ITGAV: variants seen among roughly 807,000 people sequenced by gnomAD.
ITGAV encodes integrin subunit alpha V, also known as integrin alpha-V.
ITGAV carries 76 observed loss-of-function variants against 143.8 expected under a neutral mutation model. The ratio of observed to expected loss-of-function variants is 0.53; its 90% CI spans 0.44 to 0.64. ITGAV has a LOEUF of 0.64. ITGAV is among the 30% of genes least tolerant of loss of function. The pLI, the probability that ITGAV is intolerant of heterozygous loss-of-function variation, is 0.00. For synonymous variants in ITGAV, 453 were observed against 446.7 expected, an observed-to-expected ratio of 1.01 and a Z score of -0.18; for missense variants, 1,193 against 1,274.7, an observed-to-expected ratio of 0.94 and a Z score of 0.98.
At chr2:186,611,042 T>A (rs1687201530) in intron 2 of ITGAV, among the ~76,000 whole-genome samples, 2 of 152,114 alleles carry the variant, frequency 1.3e-5, no homozygotes, top group South Asian at 4.1e-4. Context: ...TGAGAAACTG[T>A]TTCCTTTCCA....
chr2:186,656,323 G>A lies in ITGAV; in HGVS notation c.1641G>A (p.Arg547=). ...GACGAGCACTGTTTCTCTACAGCAG[G>A]TCCCCAAGTCACTCCAAGAACATGA... The part of the protein sequence containing the change: ...AIRRALFLYS[R]SPSHSKNMTI... Residue 547 remains arginine, a synonymous_variant, in exon 17 of 30, where the codon AGG becomes AGA. Coordinates refer to ENST00000261023, the MANE Select transcript of ITGAV (RefSeq NM_002210.5). The A allele has an allele frequency of 1.3e-6, 2 of 1,581,822 alleles. No individual in the cohort carries two copies. The highest frequency in any genetic ancestry group is 1.9e-5 in the Admixed American group (1 of 53,214).
Position 186,626,694 on chromosome 2 carries a change from A to G in ITGAV, c.523+1107A>G, listed in dbSNP as rs3754585. On this transcript the variant is annotated intron_variant, in intron 4 of 29. Coordinates refer to ENST00000261023, the MANE Select transcript of ITGAV (RefSeq NM_002210.5). The stretch of plus-strand genomic sequence containing the variant: ...GCCCAACACTTTGATCCTACCTGTT[A>G]TAAGTGGGAAGTGAACATTAAAAGA... Among the ~76,000 whole-genome samples the G allele has an allele frequency of 8.6e-4, 131 of 152,312 alleles. 1 individual carries two copies. The East Asian group carries it at 0.023, about 27-fold the overall frequency.
At chr2:186,662,120 C>T (rs1316333853) in intron 18 of ITGAV, among the ~76,000 whole-genome samples, 1 of 152,022 alleles carries the variant, frequency 6.6e-6, no homozygotes, top group Non-Finnish European at 1.5e-5. Context: ...ATATTTTATA[C>T]ATATGTCTCA....
At chr2:186,652,540 C>CA (rs967597911) in intron 15 of ITGAV, among the ~76,000 whole-genome samples, 63 of 151,900 alleles carry the variant, frequency 4.1e-4, no homozygotes, top group African/African-American at 1.4e-3. Flanking sequence ...AATAGTGCTC[C>CA]AAAAAGGATA....
intron 15 of ITGAV, among the ~76,000 whole-genome samples, chr2:186,654,327 T>A (rs1275726607): frequency 6.7e-6 from 1 of 148,488 alleles, no homozygotes; most frequent in Non-Finnish European, 1.5e-5. Context: ...AGTGAGACTC[T>A]GTCTCAAAAA....
chr2:186,651,953 A>G, intron 14 of ITGAV, 29 bp from the exon 15 acceptor site: 1 of 1,294,548 alleles, frequency 7.7e-7, no homozygotes, highest in Non-Finnish European at 1.1e-6. Flanking sequence ...ATAATTTTTT[A>G]CTTCATCTTC....
intron 5 of ITGAV, among the ~76,000 whole-genome samples, chr2:186,633,125 G>T (rs1348677801): frequency 1.4e-5 from 2 of 145,822 alleles, no homozygotes; most frequent in Non-Finnish European, 3.0e-5. Context: ...CTGGATAAGG[G>T]AAGACTTTGT....
At position 186,668,817 on chromosome 2, in the gene ITGAV, C is replaced by G. The variant is rs767980859; in HGVS notation, c.2489C>G (p.Pro830Arg). ...AAGGCAATGCTCCATCTTCAGTGGC[C>G]TTACAAATATAATAATAACACTCTG... ...FSKAMLHLQW[P>R]YKYNNNTLLY... Residue 830 changes from proline to arginine, a missense_variant, in exon 25 of 30, where the codon CCT (proline) becomes CGT (arginine). Coordinates refer to ENST00000261023, the MANE Select transcript of ITGAV (RefSeq NM_002210.5). 8.1e-6 allele frequency: 13 copies of G among 1,613,556 alleles called. No homozygotes were observed. In the East Asian group the frequency reaches 2.9e-4, roughly 36 times the overall value.
Position 186,633,369 on chromosome 2 carries a change from G to A in ITGAV, c.626G>A (p.Trp209Ter). Residue 209 changes from tryptophan (W) to a stop codon, truncating the protein, a stop_gained, in exon 6 of 30, where the codon TGG becomes TAG. Coordinates refer to ENST00000261023, the MANE Select transcript of ITGAV (RefSeq NM_002210.5). LOFTEE classifies it high-confidence loss of function. ...VLLGGPGSFY[W>*]QGQLISDQVA... ...CTTGGTGGTCCTGGTAGCTTTTATT[G>A]GCAAGGTAGGTTAATATTTTTTAAA... The A allele has an allele frequency of 6.3e-7, 1 of 1,578,206 alleles. No homozygotes were observed. Among genetic ancestry groups the A allele is most frequent in the Non-Finnish European group, 8.7e-7 (1 of 1,153,630 alleles).
intron 2 of ITGAV, among the ~76,000 whole-genome samples, chr2:186,609,058 G>A (rs1216251462): frequency 6.6e-6 from 1 of 152,146 alleles, no homozygotes; most frequent in African/African-American, 2.4e-5. Flanking sequence ...TCTCATATCT[G>A]TGAAAGACCT....
At chr2:186,637,339 G>T (rs115511941) in intron 8 of ITGAV, among the ~76,000 whole-genome samples, 1 of 151,784 alleles carries the variant, frequency 6.6e-6, no homozygotes, top group Non-Finnish European at 1.5e-5. Context: ...AAAATTAGCC[G>T]GGCGCGGTGA....
intron 1 of ITGAV, among the ~76,000 whole-genome samples, chr2:186,594,634 A>C (rs1686698529): frequency 6.6e-6 from 1 of 152,092 alleles, no homozygotes; most frequent in African/African-American, 2.4e-5. Context: ...TGTTGCAAAA[A>C]TTTTCATAAT....
chr2:186,619,375 T>G (rs539142424), intron 2 of ITGAV, among the ~76,000 whole-genome samples: 32 of 152,066 alleles, frequency 2.1e-4, no homozygotes, highest in Non-Finnish European at 3.4e-4. Flanking sequence ...AGAAGTAAAA[T>G]GTAGAAGATA....
chr2:186,645,124 A>G (rs964891401), intron 12 of ITGAV, among the ~76,000 whole-genome samples: 2 of 152,210 alleles, frequency 1.3e-5, no homozygotes, highest in Admixed American at 1.3e-4. Flanking sequence ...CAATGGGGAA[A>G]TCCAGATAGT....
rs750843960 is a variant in ITGAV, at chr2:186,667,711, T to G, written c.2368T>G (p.Trp790Gly). 9 of 1,611,218 alleles carry G rather than the reference T, an allele frequency of 5.6e-6. No homozygotes were observed. The South Asian group carries it at 9.9e-5, about 18-fold the overall frequency. Reference sequence around the variant, plus strand: ...TCATGTCTTTCTTCCGATTCCAAACTGGGAGCACAAGGAGAACCCTGAGAC... The same window carrying G: ...TCATGTCTTTCTTCCGATTCCAAACGGGGAGCACAAGGAGAACCCTGAGAC... ...PDHVFLPIPN[W>G]EHKENPETEE... The change falls in exon 24 of 30, where the codon TGG becomes GGG. Residue 790 changes from tryptophan to glycine, a missense_variant. Coordinates refer to ENST00000261023, the MANE Select transcript of ITGAV (RefSeq NM_002210.5).
intron 18 of ITGAV, among the ~76,000 whole-genome samples, chr2:186,660,113 A>T (rs978399812): frequency 5.3e-5 from 8 of 152,112 alleles, no homozygotes; most frequent in African/African-American, 1.9e-4. Context: ...ACTTTATATT[A>T]TGTGCTTTCA....
chr2:186,670,292 TTTTGTTTG>T lies in ITGAV; in HGVS notation c.2706+494_2706+501del, dbSNP rs61764165. Among the ~76,000 whole-genome samples, 32 of 151,572 alleles carry T rather than the reference TTTTGTTTG, an allele frequency of 2.1e-4. No homozygotes were observed. In the South Asian group the frequency reaches 5.7e-3, roughly 27 times the overall value. ...CTAGTAGAGAACCTGGTATAGTGTT[TTTTGTTTG>T]TTTGTTTGTTTGTTTTTTGACACAG... On this transcript the variant is annotated intron_variant, in intron 26 of 29. Transcript: ENST00000261023.
At position 186,667,111 on chromosome 2, in the gene ITGAV, T is replaced by C. The variant is rs200308163; in HGVS notation, c.2247-39T>C. On this transcript the variant is annotated intron_variant, in intron 22 of 29. Transcript: ENST00000261023. ...TGCCTCTGTATGTTCTTGGTTGTTA[T>C]GCATAATTCATTTTTAAGTTTTTTT... 44 of 1,497,638 alleles carry C rather than the reference T, an allele frequency of 2.9e-5. No homozygotes were observed. In the East Asian group the frequency reaches 4.3e-4, roughly 15 times the overall value. The allele number at this position is 1,497,638 out of a possible 1,614,324, so 92.8% of individuals were successfully genotyped here.
intron 29 of ITGAV, 34 bp from the exon 30 acceptor site, chr2:186,677,163 G>A (rs1689236955): frequency 6.4e-7 from 1 of 1,565,330 alleles, no homozygotes; most frequent in Non-Finnish European, 8.8e-7. Flanking sequence ...CTACACTGAT[G>A]TGACAGTAAT....
Sources: allele counts gnomAD v4.1 joint callset (sites outside exome capture counted in the v4.1 genomes callset), GRCh38; gene constraint gnomAD v4.1.1; transcripts MANE v1.5; gene names NCBI Gene and HGNC (gene_info 2026-07-23, HGNC 2026-07-21).